The following SORBS2 variants were observed in gnomAD, a reference collection of about 807,000 sequenced individuals.
The protein encoded by SORBS2 is sorbin and SH3 domain-containing protein 2.
SORBS2 carries 46 observed loss-of-function variants against 97.7 expected under a neutral mutation model. The ratio of observed to expected loss-of-function variants is 0.47; its 90% confidence interval spans 0.37 to 0.60. The LOEUF is 0.60. Among genes scored for constraint, SORBS2 ranks in the 20% least tolerant of loss-of-function variants. The probability of loss-of-function intolerance (pLI) is 0.00; values close to 1 mark genes in which losing one functional copy is unlikely to be tolerated. For missense variants in SORBS2, 1,316 were observed against 1,282.3 expected, an observed-to-expected ratio of 1.03 and a Z score of -0.40; for synonymous variants, 476 against 473.4, an observed-to-expected ratio of 1.01 and a Z score of -0.07.
At chr4:185,795,485 C>A (rs1020170994) in intron 1 of SORBS2, among the ~76,000 whole-genome samples, 1 of 152,158 alleles carries the variant, frequency 6.6e-6, no homozygotes, top group Non-Finnish European at 1.5e-5. Context: ...TACATGGCAA[C>A]CACGGGCTAC....
chr4:185,893,016 T>G (rs2099243238), intron 1 of SORBS2, among the ~76,000 whole-genome samples: 1 of 152,126 alleles, frequency 6.6e-6, no homozygotes, highest in South Asian at 2.1e-4. Context: ...AACTACATAA[T>G]ATATTCTTCT....
chr4:185,658,683 ATAAG>A (rs1389094187), upstream of SORBS2, among the ~76,000 whole-genome samples: 5 of 143,654 alleles, frequency 3.5e-5, no homozygotes, highest in South Asian at 2.2e-4. Flanking sequence ...TTTGTATAAA[ATAAG>A]TAAGCTTTTT....
At chr4:185,861,006 C>T (rs2099223403) in intron 1 of SORBS2, among the ~76,000 whole-genome samples, 1 of 152,130 alleles carries the variant, frequency 6.6e-6, no homozygotes. Flanking sequence ...GCAGACTTTC[C>T]CCATGAGACA....
chr4:185,935,247 A>G (rs2099268400), intron 1 of SORBS2, among the ~76,000 whole-genome samples: 1 of 152,232 alleles, frequency 6.6e-6, no homozygotes, highest in African/African-American at 2.4e-5. Flanking sequence ...CCAAGTATCT[A>G]CTATTTCCAC....
chr4:185,703,290 C>T (rs891992916), intron 2 of SORBS2, among the ~76,000 whole-genome samples: 1 of 152,072 alleles, frequency 6.6e-6, no homozygotes, highest in Non-Finnish European at 1.5e-5. Flanking sequence ...ATTTTTAAAG[C>T]TTTTTTCATG....
chr4:185,749,402 G>A (rs1416362402), intron 2 of SORBS2, among the ~76,000 whole-genome samples: 1 of 152,212 alleles, frequency 6.6e-6, no homozygotes, highest in Admixed American at 6.5e-5. Context: ...CCCATTGAGA[G>A]TCACCCTTCA....
chr4:185,615,212 A>C, intron 9 of SORBS2, 53 bp from the exon 22 acceptor site: 125 of 1,028,996 alleles, frequency 1.2e-4, no homozygotes, highest in Non-Finnish European at 1.8e-4. Flanking sequence ...AATAATTCTC[A>C]AGATCAACAC....
chr4:185,906,696 T>C (rs1349469706), intron 1 of SORBS2, among the ~76,000 whole-genome samples: 1 of 152,236 alleles, frequency 6.6e-6, no homozygotes, highest in Non-Finnish European at 1.5e-5. Context: ...TATCTCGGAC[T>C]ATATGCATGA....
intron 1 of SORBS2, among the ~76,000 whole-genome samples, chr4:185,916,902 C>A (rs1442027661): frequency 6.6e-6 from 1 of 152,194 alleles, no homozygotes; most frequent in Non-Finnish European, 1.5e-5. Context: ...TGACTCATGG[C>A]TGGCAGCTCC....
At chr4:185,886,654 A>G (rs1022903780) in intron 1 of SORBS2, among the ~76,000 whole-genome samples, 6 of 152,228 alleles carry the variant, frequency 3.9e-5, no homozygotes, top group Non-Finnish European at 7.3e-5. Flanking sequence ...GCTCAGGTCA[A>G]TCTGGAACAT....
chr4:185,677,494 C>T (rs996982021), intron 4 of SORBS2: 3 of 1,551,604 alleles, frequency 1.9e-6, no homozygotes, highest in Admixed American at 2.0e-5. Context: ...TACATAGTTC[C>T]CTGAAGAGGT....
chr4:185,634,465 C>T (rs1312974144), intron 4 of SORBS2, among the ~76,000 whole-genome samples: 1 of 151,952 alleles, frequency 6.6e-6, no homozygotes, highest in Non-Finnish European at 1.5e-5. Context: ...CTAAGAGTTC[C>T]TTGCAAGGAG....
At chr4:185,935,281 G>C (rs1001007190) in intron 1 of SORBS2, among the ~76,000 whole-genome samples, 2 of 152,004 alleles carry the variant, frequency 1.3e-5, no homozygotes, top group African/African-American at 4.8e-5. Flanking sequence ...ACCATAAAGG[G>C]GCTGAGTCTC....
intron 12 of SORBS2, among the ~76,000 whole-genome samples, chr4:185,599,943 C>T (rs2096218283): frequency 6.6e-6 from 1 of 152,164 alleles, no homozygotes; most frequent in Non-Finnish European, 1.5e-5. Flanking sequence ...GCATGCTGAC[C>T]CTACCCTGTG....
At chr4:185,619,917 CAGGCCCCA>C in intron 8 of SORBS2, 138 bp downstream of exon 20, 1 of 687,196 alleles carries the variant, frequency 1.5e-6, no homozygotes, top group Non-Finnish European at 2.7e-6. Flanking sequence ...TTGCTATGCT[CAGGCCCCA>C]AGGAAAATTG....
intron 1 of SORBS2, among the ~76,000 whole-genome samples, chr4:185,903,343 C>T (rs1321908494): frequency 6.6e-6 from 1 of 152,130 alleles, no homozygotes; most frequent in East Asian, 1.9e-4. Flanking sequence ...CTGACAGATA[C>T]TCAGTAAGTT....
At chr4:185,756,496 C>T (rs1022683460) in intron 2 of SORBS2, among the ~76,000 whole-genome samples, 3 of 152,054 alleles carry the variant, frequency 2.0e-5, no homozygotes, top group Admixed American at 1.3e-4. Context: ...AATATTTAAG[C>T]CACCTAAAAA....
chr4:185,884,938 A>G (rs2099238643), intron 1 of SORBS2, among the ~76,000 whole-genome samples: 1 of 152,250 alleles, frequency 6.6e-6, no homozygotes, highest in Admixed American at 6.5e-5. Context: ...AAAGTCAGGC[A>G]GCCGAAGTGG....
chr4:185,863,139 G>T (rs1349540868), intron 1 of SORBS2, among the ~76,000 whole-genome samples: 1 of 152,144 alleles, frequency 6.6e-6, no homozygotes, highest in East Asian at 1.9e-4. Context: ...CCTCCACCTG[G>T]ATTTGCATTT....
Sources: gnomAD v4.1 joint callset for allele counts (sites outside exome capture counted in the v4.1 genomes callset) on GRCh38, gnomAD v4.1.1 for gene constraint, MANE v1.5 for transcripts, NCBI Gene and HGNC (gene_info 2026-07-23, HGNC 2026-07-21) for gene names.